The following ADAM10 variants were observed in gnomAD, a reference collection of about 807,000 sequenced individuals.
The protein encoded by ADAM10 is disintegrin and metalloproteinase domain-containing protein 10.
Under a neutral mutation model 90.1 loss-of-function variants are expected in ADAM10, and 17 were observed. The observed-to-expected ratio is 0.19, with a 90% CI of 0.13 to 0.28. The LOEUF (loss-of-function observed/expected upper bound fraction) is 0.28. ADAM10 is among the 10% of genes least tolerant of loss of function. The probability of loss-of-function intolerance (pLI) is 1.00; values close to 1 mark genes in which losing one functional copy is unlikely to be tolerated. For synonymous variants in ADAM10, 310 were observed against 298.6 expected, an observed-to-expected ratio of 1.04 and a Z score of -0.40; for missense variants, 610 against 914.3, an observed-to-expected ratio of 0.67 and a Z score of 4.29.
At chr15:58,674,450 T>C (rs776942149) in intron 4 of ADAM10, among the ~76,000 whole-genome samples, 1 of 152,228 alleles carries the variant, frequency 6.6e-6, no homozygotes, top group Non-Finnish European at 1.5e-5. Flanking sequence ...CAACTCAATA[T>C]GCTTATGCAG....
chr15:58,607,345 C>G (rs1566965162), intron 14 of ADAM10, among the ~76,000 whole-genome samples: 2 of 152,214 alleles, frequency 1.3e-5, no homozygotes, highest in African/African-American at 2.4e-5. Flanking sequence ...CAAATGACAT[C>G]TAAGGATATT....
At chr15:58,642,578 A>C (rs1896445689) in intron 7 of ADAM10, among the ~76,000 whole-genome samples, 1 of 152,004 alleles carries the variant, frequency 6.6e-6, no homozygotes. Context: ...CAACAGATAA[A>C]ACTTTACTAA....
rs1444045357 is a variant in ADAM10, at chr15:58,627,890, A to G, written c.1177-7T>C. The G allele has an allele frequency of 6.2e-7, 1 of 1,612,804 alleles. No homozygotes were observed. Among genetic ancestry groups the G allele is most frequent in the South Asian group, 1.1e-5 (1 of 91,062 alleles). ...ACTCTGTTCCAGAATCATGCTGTCA[A>G]AAAGAATATAAAGTTACATAAACAG... On this transcript the variant is annotated splice_polypyrimidine_tract_variant and splice_region_variant and intron_variant, in intron 9 of 15. Transcript: ENST00000260408.
At chr15:58,616,010 A>AGG (rs1895600939) in intron 11 of ADAM10, among the ~76,000 whole-genome samples, 1 of 152,074 alleles carries the variant, frequency 6.6e-6, no homozygotes, top group Non-Finnish European at 1.5e-5. Context: ...CCTGTCTCCA[A>AGG]AAAAAAACTG....
chr15:58,635,628 G>A (rs888753718), intron 8 of ADAM10, among the ~76,000 whole-genome samples: 1 of 152,002 alleles, frequency 6.6e-6, no homozygotes, highest in African/African-American at 2.4e-5. Context: ...ATATAAATAA[G>A]TATTCTGTAT....
chr15:58,702,514 A>G (rs76963424), intron 2 of ADAM10, among the ~76,000 whole-genome samples: 1 of 152,362 alleles, frequency 6.6e-6, no homozygotes, highest in Admixed American at 6.5e-5. Context: ...GACACCCTAA[A>G]TGCTATGAAT....
Position 58,676,456 on chromosome 15 carries a change from T to A in ADAM10, c.484+2668A>T, listed in dbSNP as rs949701463. Among the ~76,000 whole-genome samples the A allele has an allele frequency of 1.4e-4, 21 of 152,318 alleles. No individual in the cohort carries two copies. In the East Asian group the frequency reaches 3.5e-3, roughly 25 times the overall value. ...CTACTACTACTTCTAGAACCTGTCA[T>A]ATTCTACACAGAGAATTTAAAGAAC... On this transcript the variant is annotated intron_variant, in intron 4 of 15. Coordinates refer to ENST00000260408, the MANE Select transcript of ADAM10 (RefSeq NM_001110.4).
intron 1 of ADAM10, among the ~76,000 whole-genome samples, chr15:58,740,308 C>G (rs1899564941): frequency 6.6e-6 from 1 of 151,858 alleles, no homozygotes; most frequent in South Asian, 2.1e-4. Flanking sequence ...TACTCGGAGG[C>G]TGAGGCACAA....
intron 14 of ADAM10, among the ~76,000 whole-genome samples, chr15:58,605,088 G>A (rs766352575): frequency 6.6e-6 from 1 of 152,210 alleles, no homozygotes; most frequent in Non-Finnish European, 1.5e-5. Context: ...GGCAGTAAGA[G>A]AGGCAGATTG....
At chr15:58,621,912 T>G (rs1431831404) in intron 10 of ADAM10, among the ~76,000 whole-genome samples, 2 of 152,188 alleles carry the variant, frequency 1.3e-5, no homozygotes, top group African/African-American at 4.8e-5. Flanking sequence ...TACATTGAGC[T>G]TTATTGACTG....
intron 4 of ADAM10, among the ~76,000 whole-genome samples, chr15:58,670,854 T>A (rs573509342): frequency 6.6e-6 from 1 of 152,174 alleles, no homozygotes; most frequent in Non-Finnish European, 1.5e-5. Context: ...TCAAGATATT[T>A]CCAACTTTAA....
At chr15:58,708,962 A>G (rs1301183339) in intron 2 of ADAM10, among the ~76,000 whole-genome samples, 9 of 152,220 alleles carry the variant, frequency 5.9e-5, no homozygotes, top group African/African-American at 1.9e-4. Flanking sequence ...TTCAGAAGCT[A>G]TATCTAAAAG....
In ADAM10 at chr15:58,720,644, G is replaced by A. The variant is rs917793089; in HGVS notation, c.56-2917C>T. On this transcript the variant is annotated intron_variant, in intron 1 of 15. Transcript: ENST00000260408. The stretch of plus-strand genomic sequence containing the variant: ...TCTCGATCTCCTGACCTCGTGATCC[G>A]CCCACCTCAGCCTCCCAAAGTGCTG... Among the ~76,000 whole-genome samples the A allele has an allele frequency of 6.6e-5, 10 of 150,536 alleles. No homozygotes were observed. In the East Asian group the frequency reaches 7.8e-4, roughly 12 times the overall value.
rs138705417 is a variant in ADAM10 at position 58,641,118 on chromosome 15, T to C, written c.829-158A>G. Reference sequence around the variant, plus strand: ...AGGTTGTTCCCACTGCCCACATCCCTGAGCTGATCACAGAAGGCAAAACAA... The same window carrying C: ...AGGTTGTTCCCACTGCCCACATCCCCGAGCTGATCACAGAAGGCAAAACAA... On this transcript the variant is annotated intron_variant, in intron 7 of 15. Coordinates refer to ENST00000260408, the MANE Select transcript of ADAM10 (RefSeq NM_001110.4). 6.9e-3 allele frequency among the ~76,000 whole-genome samples: 1,050 copies of C among 152,210 alleles called. 15 individuals carry two copies. Among genetic ancestry groups the C allele is most frequent in the African/African-American group, 0.024 (1,004 of 41,536 alleles).
At chr15:58,729,968 C>CAAAAAAAAAAAAAAAAAAAAAAA (rs1359877841) in intron 1 of ADAM10, among the ~76,000 whole-genome samples, 1 of 133,976 alleles carries the variant, frequency 7.5e-6, no homozygotes, top group East Asian at 2.6e-4. Context: ...TAAAAAAAAA[C>CAAAAAAAAAAAAAAAAAAAAAAA]AAAAACAAAA....
At chr15:58,724,179 A>G (rs551856239) in intron 1 of ADAM10, among the ~76,000 whole-genome samples, 2 of 151,782 alleles carry the variant, frequency 1.3e-5, no homozygotes, top group Non-Finnish European at 2.9e-5. Context: ...TCCGTCTCAA[A>G]AAAAAAAAAA....
rs1242970102 is a variant in ADAM10, at chr15:58,592,849, C to G, written c.*4698G>C. The G allele has an allele frequency of 6.6e-6, 1 of 150,378 alleles. No homozygotes were observed. Among genetic ancestry groups the G allele is most frequent in the African/African-American group, 2.4e-5 (1 of 41,104 alleles). The allele number at this position is 150,378 out of a possible 1,614,324, so 9.3% of individuals were successfully genotyped here. On this transcript the variant is annotated 3_prime_UTR_variant, in exon 16 of 16. Transcript: ENST00000260408. Reference sequence around the variant, plus strand: ...TTTTTATCAATGTCCCTCAAAAAACCTTTACCCCAACAATTCCACTTTTAG... The same window carrying G: ...TTTTTATCAATGTCCCTCAAAAAACGTTTACCCCAACAATTCCACTTTTAG...
In ADAM10 at chr15:58,687,067, T is replaced by A. The variant is rs77736868; in HGVS notation, c.207-4753A>T. 0.016 allele frequency among the ~76,000 whole-genome samples: 2,493 copies of A among 152,358 alleles called. 126 individuals carry two copies. In the East Asian group the frequency reaches 0.18, roughly 11 times the overall value. On this transcript the variant is annotated intron_variant, in intron 2 of 15. Coordinates refer to ENST00000260408, the MANE Select transcript of ADAM10 (RefSeq NM_001110.4). ...GATATTTATACCATAAAAAATTTGT[T>A]CTTTTCTCATGAATTTACAATTCCT...
chr15:58,710,976 T>C (rs1898455267), intron 2 of ADAM10, among the ~76,000 whole-genome samples: 1 of 152,218 alleles, frequency 6.6e-6, no homozygotes. Context: ...GAAGGGAATA[T>C]TTATGCCTTT....
Sources: allele counts gnomAD v4.1 joint callset (sites outside exome capture counted in the v4.1 genomes callset), GRCh38; gene constraint gnomAD v4.1.1; transcripts MANE v1.5; gene names NCBI Gene and HGNC (gene_info 2026-07-23, HGNC 2026-07-21).